The following RP1 variants were observed in gnomAD, a reference collection of about 807,000 sequenced individuals.
RP1 encodes oxygen-regulated protein 1.
RP1 carries 16 observed loss-of-function variants against 14.8 expected under a neutral mutation model. The ratio of observed to expected loss-of-function variants is 1.08; its 90% CI spans 0.73 to 1.65. The LOEUF (loss-of-function observed/expected upper bound fraction) is 1.65. Ranked by LOEUF, RP1 falls within the 40% of genes most tolerant of loss-of-function variation. The pLI, the probability that RP1 is intolerant of heterozygous loss-of-function variation, is 0.00. For synonymous variants in RP1, 876 were observed against 883.6 expected (o/e 0.99, Z 0.15); for missense variants, 2,631 against 2,535.0 (o/e 1.04, Z -0.81).
intron 17 of RP1, among the ~76,000 whole-genome samples, chr8:54,728,645 AAAT>A (rs1295813408): frequency 6.6e-6 from 1 of 152,198 alleles, no homozygotes; most frequent in African/African-American, 2.4e-5. Context: ...TTAGAACTTA[AAAT>A]AGCACATATA....
chr8:54,825,069 A>C (rs1042087158), intron 24 of RP1, among the ~76,000 whole-genome samples: 25 of 151,870 alleles, frequency 1.6e-4, no homozygotes, highest in Non-Finnish European at 3.5e-4. Flanking sequence ...TCCCGGGTTC[A>C]CGCCATTCTC....
At chr8:54,814,917 G>T (rs1811102036) in intron 24 of RP1, among the ~76,000 whole-genome samples, 1 of 152,206 alleles carries the variant, frequency 6.6e-6, no homozygotes, top group Admixed American at 6.5e-5. Context: ...TGTCGTTTGT[G>T]AGAATGGCTT....
intron 1 of RP1, among the ~76,000 whole-genome samples, chr8:54,608,933 A>G (rs1305179681): frequency 6.6e-6 from 1 of 152,216 alleles, no homozygotes; most frequent in Non-Finnish European, 1.5e-5. Flanking sequence ...CTGACAGTAG[A>G]TAGACATCAG....
chr8:54,783,709 A>G, exon 24 of RP1: 18 of 1,230,250 alleles, frequency 1.5e-5, no homozygotes, highest in Non-Finnish European at 1.7e-5. Flanking sequence ...GATATATTCA[A>G]GGTAAAAATG....
downstream of RP1, among the ~76,000 whole-genome samples, chr8:54,634,530 C>CT: frequency 6.6e-6 from 1 of 152,152 alleles, no homozygotes; most frequent in Non-Finnish European, 1.5e-5. Context: ...TTAGTAATTT[C>CT]TTTTTTGTCC....
downstream of RP1, among the ~76,000 whole-genome samples, chr8:54,632,325 C>G (rs897958113): frequency 6.6e-6 from 1 of 152,142 alleles, no homozygotes; most frequent in Non-Finnish European, 1.5e-5. Flanking sequence ...TTTGGCAATA[C>G]TATTACACCA....
At chr8:54,741,650 A>G (rs1290785887) in intron 19 of RP1, among the ~76,000 whole-genome samples, 1 of 147,660 alleles carries the variant, frequency 6.8e-6, no homozygotes, top group Non-Finnish European at 1.5e-5. Flanking sequence ...GAATATATAT[A>G]AAAACATATG....
intron 23 of RP1, chr8:54,781,052 A>C: frequency 1.0e-6 from 1 of 984,274 alleles, no homozygotes; most frequent in South Asian, 4.7e-5. Flanking sequence ...TTTAACACAA[A>C]AGGAAAGTAA....
chr8:54,758,798 G>A, intron 21 of RP1: 8 of 971,552 alleles, frequency 8.2e-6, no homozygotes, highest in Non-Finnish European at 1.2e-5. Context: ...GCTAACTACA[G>A]TAACATCTCT....
intron 24 of RP1, among the ~76,000 whole-genome samples, chr8:54,836,459 T>G (rs1314070125): frequency 6.6e-6 from 1 of 152,172 alleles, no homozygotes; most frequent in African/African-American, 2.4e-5. Context: ...TACTCTAAGT[T>G]ATACATGCCT....
At chr8:54,857,355 A>C (rs1812229285) in intron 27 of RP1, among the ~76,000 whole-genome samples, 1 of 147,754 alleles carries the variant, frequency 6.8e-6, no homozygotes, top group Admixed American at 6.8e-5. Flanking sequence ...ATAAATCATA[A>C]ATTTACATTA....
chr8:54,754,677 A>G lies in RP1; in HGVS notation c.2809-126A>G, dbSNP rs1384889704. On this transcript the variant is annotated intron_variant, in intron 19 of 22. Transcript: ENST00000636932. ...CCTACGACTACTACTACTAACAACC[A>G]TCACCGCTATCACCATCATCAGAGT... 5 of 939,796 alleles carry G rather than the reference A, an allele frequency of 5.3e-6. No homozygotes were observed. In the South Asian group the frequency reaches 1.1e-4, roughly 20 times the overall value. The allele number at this position is 939,796 out of a possible 1,614,324, so 58.2% of individuals were successfully genotyped here.
intron 24 of RP1, among the ~76,000 whole-genome samples, chr8:54,836,298 G>A (rs1811655429): frequency 6.6e-6 from 1 of 152,164 alleles, no homozygotes; most frequent in Admixed American, 6.5e-5. Context: ...GTATGTGGCA[G>A]TCAGAATTTT....
At chr8:54,712,457 C>G (rs1174318845) in intron 15 of RP1, among the ~76,000 whole-genome samples, 4 of 152,216 alleles carry the variant, frequency 2.6e-5, no homozygotes, top group Non-Finnish European at 5.9e-5. Flanking sequence ...GCTTCTCACA[C>G]ATGCTGTCAC....
At chr8:54,645,833 A>C (rs911173754) in intron 3 of RP1, among the ~76,000 whole-genome samples, 1 of 152,172 alleles carries the variant, frequency 6.6e-6, no homozygotes, top group East Asian at 1.9e-4. Flanking sequence ...TTTACAGTAT[A>C]AATTTATTGT....
Position 54,621,572 on chromosome 8 carries a change from C to T in RP1, c.606C>T (p.Asp202=), listed in dbSNP as rs1805879513. Residue 202 remains aspartate, a synonymous_variant, in exon 2 of 4, where the codon GAC becomes GAT. Coordinates refer to ENST00000220676, the MANE Select transcript of RP1 (RefSeq NM_006269.2). ...QRPVVKLYAT[D]GRRVPSLQAV... ...CTGTGGTCAAGCTGTACGCTACGGACGGAAGGAGGGTGAGCGTTCTGGGGG... is the reference window on the plus strand; with the variant it reads ...CTGTGGTCAAGCTGTACGCTACGGATGGAAGGAGGGTGAGCGTTCTGGGGG... The T allele has an allele frequency of 3.7e-6, 6 of 1,613,990 alleles. No individual in the cohort carries two copies. In the South Asian group the frequency reaches 6.6e-5, roughly 18 times the overall value.
At chr8:54,783,611 G>T (rs780148601) in exon 24 of RP1, 14 of 1,231,526 alleles carry the variant, frequency 1.1e-5, no homozygotes, top group Non-Finnish European at 1.4e-5. Context: ...CGGCAACAGT[G>T]TTCCTTTATG....
chr8:54,853,742 A>AAGAAAGAGAGAG (rs1325520971), intron 26 of RP1, among the ~76,000 whole-genome samples: 6 of 73,196 alleles, frequency 8.2e-5, no homozygotes, highest in African/African-American at 4.1e-4. Flanking sequence ...AAAAGAGAGA[A>AAGAAAGAGAGAG]AGAAAGAAAG....
In RP1 at chr8:54,621,357, C is replaced by G. The variant is rs560343398; in HGVS notation, c.391C>G (p.Arg131Gly). The change falls in exon 2 of 4, where the codon CGG (arginine) becomes GGG (glycine). Residue 131 changes from arginine to glycine, a missense_variant. By Grantham distance (125) the Arg-to-Gly change is moderately radical. Transcript: ENST00000220676. ...GCGCCCGCGGCCCTGGCTCAGCAGC[C>G]GGGCCATTAGCGCGCACTCACCGCC... ...RRRPRPWLSS[R>G]AISAHSPPHP... The G allele has an allele frequency of 1.2e-6, 2 of 1,611,696 alleles. No homozygotes were observed. Among genetic ancestry groups the G allele is most frequent in the South Asian group, 1.1e-5 (1 of 91,004 alleles).
Sources: allele counts gnomAD v4.1 joint callset (sites outside exome capture counted in the v4.1 genomes callset), GRCh38; gene constraint gnomAD v4.1.1; transcripts MANE v1.5; gene names NCBI Gene and HGNC (gene_info 2026-07-23, HGNC 2026-07-21).